DLG2: variants seen among roughly 807,000 people sequenced by gnomAD.
DLG2 encodes the protein disks large homolog 2.
In DLG2, 45 loss-of-function variants were observed where a neutral mutation model predicts 132.5. The observed-to-expected ratio is 0.34, with a 90% confidence interval of 0.27 to 0.44. The LOEUF is 0.44. Ranked by LOEUF, DLG2 falls within the 20% of genes least tolerant of loss-of-function variation. The probability of loss-of-function intolerance (pLI) is 1.00; values close to 1 mark genes in which losing one functional copy is unlikely to be tolerated. For missense variants in DLG2, 1,045 were observed against 1,196.9 expected (o/e 0.87, Z 1.87); for synonymous variants, 424 against 419.6 (o/e 1.01, Z -0.13).
chr11:83,716,296 C>T (rs2086688882), intron 18 of DLG2, among the ~76,000 whole-genome samples: 1 of 152,168 alleles, frequency 6.6e-6, no homozygotes, highest in Non-Finnish European at 1.5e-5. Context: ...AGCACAGAGA[C>T]TAGAGAATGG....
At chr11:84,466,196 G>C (rs1000224065) in intron 7 of DLG2, among the ~76,000 whole-genome samples, 5 of 151,134 alleles carry the variant, frequency 3.3e-5, no homozygotes, top group African/African-American at 1.2e-4. Flanking sequence ...ATGCATCATA[G>C]AATTGGATGT....
chr11:84,101,717 C>G (rs2092541362), intron 9 of DLG2, among the ~76,000 whole-genome samples: 2 of 151,926 alleles, frequency 1.3e-5, no homozygotes, highest in African/African-American at 4.8e-5. Context: ...TAATTTGGGT[C>G]AAGCTCTAAG....
intron 8 of DLG2, among the ~76,000 whole-genome samples, chr11:84,190,448 T>TC (rs764486741): frequency 3.9e-5 from 6 of 152,136 alleles, no homozygotes; most frequent in Non-Finnish European, 7.4e-5. Flanking sequence ...TGGGTCTTTT[T>TC]CCCCCTCTAG....
intron 7 of DLG2, among the ~76,000 whole-genome samples, chr11:84,326,718 T>C (rs1225702701): frequency 6.6e-6 from 1 of 152,190 alleles, no homozygotes; most frequent in African/African-American, 2.4e-5. Context: ...GCATGTTCTG[T>C]ATATGTTAGG....
chr11:83,998,569 A>G (rs2094171775), intron 11 of DLG2, among the ~76,000 whole-genome samples: 1 of 152,218 alleles, frequency 6.6e-6, no homozygotes, highest in South Asian at 2.1e-4. Flanking sequence ...AGAAGTATAA[A>G]TGAGACATCT....
At chr11:83,898,121 T>C (rs2072314347) in intron 15 of DLG2, among the ~76,000 whole-genome samples, 1 of 152,164 alleles carries the variant, frequency 6.6e-6, no homozygotes, top group African/African-American at 2.4e-5. Flanking sequence ...CAGATAAAAG[T>C]ATCCTTTAGG....
intron 19 of DLG2, among the ~76,000 whole-genome samples, chr11:83,574,626 T>C (rs1399528316): frequency 6.6e-6 from 1 of 152,232 alleles, no homozygotes; most frequent in East Asian, 1.9e-4. Flanking sequence ...CACTGTATCC[T>C]GAGCTGAACC....
rs571846854 is a variant in DLG2 at position 84,434,397 on chromosome 11, A to G, written c.519+100173T>C. 2.1e-3 allele frequency among the ~76,000 whole-genome samples: 325 copies of G among 152,272 alleles called. 1 individual carries two copies. The highest frequency in any genetic ancestry group is 7.5e-3 in the African/African-American group (311 of 41,554). Reference sequence around the variant, plus strand: ...AGACAAGACAGATTAGTGGATCTAGAAGAATGATGAGTGGAAGGAAGAAGG... The same window carrying G: ...AGACAAGACAGATTAGTGGATCTAGGAGAATGATGAGTGGAAGGAAGAAGG... On this transcript the variant is annotated intron_variant, in intron 7 of 27. Coordinates refer to ENST00000376104, the MANE Select transcript of DLG2 (RefSeq NM_001142699.3).
intron 3 of DLG2, among the ~76,000 whole-genome samples, chr11:85,420,648 A>T (rs2090220317): frequency 1.3e-5 from 2 of 152,200 alleles, no homozygotes; most frequent in South Asian, 4.1e-4. Context: ...AGGAATCCAG[A>T]GATGCACTCT....
chr11:84,151,987 G>C (rs999911988), intron 9 of DLG2, among the ~76,000 whole-genome samples: 11 of 152,150 alleles, frequency 7.2e-5, no homozygotes, highest in Non-Finnish European at 7.4e-5. Flanking sequence ...CTTGGAGTGT[G>C]TTCCATATAC....
chr11:83,531,234 G>A (rs2095735877), intron 21 of DLG2, among the ~76,000 whole-genome samples: 1 of 151,720 alleles, frequency 6.6e-6, no homozygotes, highest in South Asian at 2.1e-4. Flanking sequence ...CCACAGAGTG[G>A]GACAAAATAT....
chr11:85,140,528 G>C (rs974629768), intron 5 of DLG2, among the ~76,000 whole-genome samples: 1 of 151,478 alleles, frequency 6.6e-6, no homozygotes, highest in Non-Finnish European at 1.5e-5. Flanking sequence ...GATCACATCA[G>C]GGTAACTGGG....
At chr11:83,530,808 A>T (rs1197342051) in intron 21 of DLG2, among the ~76,000 whole-genome samples, 1 of 152,028 alleles carries the variant, frequency 6.6e-6, no homozygotes, top group Non-Finnish European at 1.5e-5. Context: ...CTCTTTTTGC[A>T]TGTATATCTT....
chr11:83,914,089 CCTTT>C (rs1408029266), intron 15 of DLG2, among the ~76,000 whole-genome samples: 1 of 152,058 alleles, frequency 6.6e-6, no homozygotes, highest in Non-Finnish European at 1.5e-5. Context: ...GGATATTTGT[CCTTT>C]CTGAGACTCA....
intron 3 of DLG2, among the ~76,000 whole-genome samples, chr11:85,436,810 C>T (rs1476981866): frequency 6.6e-6 from 1 of 152,166 alleles, no homozygotes; most frequent in Non-Finnish European, 1.5e-5. Flanking sequence ...TGGGTATATA[C>T]CCAAAGAAAT....
chr11:84,964,250 T>A (rs1435220382), intron 6 of DLG2, among the ~76,000 whole-genome samples: 3 of 152,114 alleles, frequency 2.0e-5, no homozygotes, highest in African/African-American at 7.2e-5. Context: ...GGTTTGCCCA[T>A]TAAAATGAAA....
chr11:84,902,978 T>C (rs571583711), intron 6 of DLG2, among the ~76,000 whole-genome samples: 3 of 152,224 alleles, frequency 2.0e-5, no homozygotes, highest in South Asian at 4.1e-4. Flanking sequence ...GTTATTTTCA[T>C]AGGTCAAGCC....
Position 85,352,283 on chromosome 11 carries a change from A to G in DLG2, c.41-66918T>C, listed in dbSNP as rs1203794827. Among the ~76,000 whole-genome samples, 3 of 151,990 alleles carry G rather than the reference A, an allele frequency of 2.0e-5. No individual in the cohort carries two copies. The South Asian group carries it at 6.2e-4, about 32-fold the overall frequency. ...CCCTTTATCATTTTTTATTGCGTCT[A>G]TTTGATTCTTCTCTCTTTTCTTCTT... is the stretch of plus-strand genomic sequence containing the variant. On this transcript the variant is annotated intron_variant, in intron 3 of 27. Coordinates refer to ENST00000376104, the MANE Select transcript of DLG2 (RefSeq NM_001142699.3).
At chr11:84,143,141 G>C (rs181973106) in intron 9 of DLG2, among the ~76,000 whole-genome samples, 48 of 151,710 alleles carry the variant, frequency 3.2e-4, no homozygotes, top group African/African-American at 1.1e-3. Flanking sequence ...CCAGGTGCTG[G>C]GAATATAAGG....
Sources: allele counts gnomAD v4.1 joint callset (sites outside exome capture counted in the v4.1 genomes callset), GRCh38; gene constraint gnomAD v4.1.1; transcripts MANE v1.5; gene names NCBI Gene and HGNC (gene_info 2026-07-23, HGNC 2026-07-21).